MAF: variants seen among roughly 807,000 people sequenced by gnomAD.
The protein encoded by MAF is MAF bZIP transcription factor, also known as transcription factor Maf.
A neutral mutation model predicts 22.0 loss-of-function variants in MAF; 10 were observed. That is an observed-to-expected ratio of 0.45 (90% CI 0.28 to 0.77). The LOEUF is 0.77. Ranked by LOEUF, MAF falls within the 30% of genes least tolerant of loss-of-function variation. The pLI is 0.12. For missense variants in MAF, 544 were observed against 548.4 expected (o/e 0.99, Z 0.08); for synonymous variants, 337 against 255.8 (o/e 1.32, Z -3.03).
At chr16:79,269,595 G>T in the MAF span, among the ~76,000 whole-genome samples, 1 of 152,126 alleles carries the variant, frequency 6.6e-6, no homozygotes, top group Non-Finnish European at 1.5e-5. Context: ...TAAGGTCATG[G>T]TGAAGAATAT....
chr16:79,454,080 T>G, the MAF span, among the ~76,000 whole-genome samples: 3 of 152,238 alleles, frequency 2.0e-5, no homozygotes, highest in African/African-American at 7.2e-5. Context: ...ATATCTCATT[T>G]AATTGTTATA....
chr16:79,256,139 G>A, the MAF span, among the ~76,000 whole-genome samples: 16 of 150,250 alleles, frequency 1.1e-4, no homozygotes, highest in Non-Finnish European at 2.1e-4. Context: ...ATGCCACGAC[G>A]CCCAGCTAAA....
downstream of MAF, among the ~76,000 whole-genome samples, chr16:79,588,890 A>T (rs965891799): frequency 1.3e-5 from 2 of 152,236 alleles, no homozygotes; most frequent in Non-Finnish European, 2.9e-5. Flanking sequence ...ATGCCTGAAG[A>T]TGGAAAGACA....
At chr16:79,390,353 C>T in the MAF span, among the ~76,000 whole-genome samples, 8 of 152,138 alleles carry the variant, frequency 5.3e-5, no homozygotes, top group Admixed American at 5.2e-4. Flanking sequence ...ATGGTCAAAT[C>T]ACTCCTGCCA....
chr16:79,400,613 G>A, the MAF span, among the ~76,000 whole-genome samples: 2 of 152,318 alleles, frequency 1.3e-5, no homozygotes, highest in East Asian at 3.9e-4. Flanking sequence ...TTTCCCAGGA[G>A]GCGAAAGAGA....
At chr16:79,495,544 G>T in the MAF span, among the ~76,000 whole-genome samples, 4 of 152,318 alleles carry the variant, frequency 2.6e-5, no homozygotes, top group South Asian at 8.3e-4. Context: ...ACCAGGGTCA[G>T]AGACCACATA....
chr16:79,326,711 G>T, the MAF span, among the ~76,000 whole-genome samples: 3 of 152,210 alleles, frequency 2.0e-5, no homozygotes, highest in African/African-American at 7.2e-5. Context: ...AAATGCAGGA[G>T]CATGGCTGTG....
the MAF span, among the ~76,000 whole-genome samples, chr16:79,475,896 G>A: frequency 6.6e-6 from 1 of 152,190 alleles, no homozygotes; most frequent in African/African-American, 2.4e-5. Context: ...TCCCTTGAGT[G>A]GGGTCAGGGC....
At chr16:79,582,887 C>A (rs1019472276), downstream of MAF, among the ~76,000 whole-genome samples, 6 of 152,120 alleles carry the variant, frequency 3.9e-5, no homozygotes, top group Admixed American at 3.3e-4. Flanking sequence ...CCCTGGGGGG[C>A]CTTCAGTGAA....
the MAF span, among the ~76,000 whole-genome samples, chr16:79,511,050 G>A: frequency 6.6e-6 from 1 of 152,218 alleles, no homozygotes; most frequent in East Asian, 1.9e-4. Flanking sequence ...CGGCAGCTGG[G>A]AGGCCAGAAA....
At chr16:79,305,547 G>C in the MAF span, among the ~76,000 whole-genome samples, 3 of 152,170 alleles carry the variant, frequency 2.0e-5, no homozygotes, top group African/African-American at 7.2e-5. Flanking sequence ...AAACGAGGCT[G>C]TGAGACCTCC....
At chr16:79,311,931 T>C in the MAF span, among the ~76,000 whole-genome samples, 1 of 152,102 alleles carries the variant, frequency 6.6e-6, no homozygotes, top group Non-Finnish European at 1.5e-5. Context: ...CCCATGGTAG[T>C]GAGGCAGGAT....
chr16:79,320,144 A>C, the MAF span, among the ~76,000 whole-genome samples: 2 of 152,250 alleles, frequency 1.3e-5, no homozygotes, highest in South Asian at 4.1e-4. Context: ...CATGTCCAGG[A>C]GAGTTTGGTG....
the MAF span, among the ~76,000 whole-genome samples, chr16:79,267,813 G>C: frequency 6.6e-6 from 1 of 152,170 alleles, no homozygotes; most frequent in Non-Finnish European, 1.5e-5. Flanking sequence ...CAGGGGACAA[G>C]GGTCTGGAGG....
chr16:79,403,022 G>C, the MAF span, among the ~76,000 whole-genome samples: 4 of 152,098 alleles, frequency 2.6e-5, no homozygotes, highest in African/African-American at 7.2e-5. Context: ...AGCAGACCTG[G>C]GTGAAATCCT....
the MAF span, among the ~76,000 whole-genome samples, chr16:79,282,129 C>T: frequency 4.6e-5 from 7 of 151,990 alleles, no homozygotes; most frequent in South Asian, 2.1e-4. Flanking sequence ...GGTGAAACCC[C>T]GTCTCTACTA....
At chr16:79,249,057 G>C in the MAF span, among the ~76,000 whole-genome samples, 1 of 152,142 alleles carries the variant, frequency 6.6e-6, no homozygotes, top group Non-Finnish European at 1.5e-5. Context: ...ATAGTATTGA[G>C]AGACAGGGCC....
the MAF span, among the ~76,000 whole-genome samples, chr16:79,350,590 C>A: frequency 2.0e-5 from 3 of 152,166 alleles, no homozygotes; most frequent in Admixed American, 6.5e-5. Context: ...CCAGGCCCCA[C>A]GCTGAAAAAC....
the MAF span, among the ~76,000 whole-genome samples, chr16:79,412,251 G>A: frequency 6.6e-6 from 1 of 152,194 alleles, no homozygotes; most frequent in East Asian, 1.9e-4. Flanking sequence ...GTGAGGTACA[G>A]TTGTGTTCAG....
Sources: allele counts gnomAD v4.1 joint callset (sites outside exome capture counted in the v4.1 genomes callset), GRCh38; gene constraint gnomAD v4.1.1; transcripts MANE v1.5; gene names NCBI Gene and HGNC (gene_info 2026-07-23, HGNC 2026-07-21).